Variants in FOXN3 observed in about 807,000 individuals in gnomAD.
FOXN3 encodes the protein forkhead box N3, also known as forkhead box protein N3.
In FOXN3, 7 loss-of-function variants were observed where a neutral mutation model predicts 38.4. The ratio of observed to expected loss-of-function variants is 0.18; its 90% CI spans 0.10 to 0.34. The LOEUF (loss-of-function observed/expected upper bound fraction) is 0.34, where lower values mean the gene tolerates loss of function less well. FOXN3 is among the 10% of genes least tolerant of loss of function. FOXN3 has a pLI of 1.00. For missense variants in FOXN3, 456 were observed against 613.4 expected (o/e 0.74, Z 2.71); for synonymous variants, 230 against 242.2 (o/e 0.95, Z 0.47).
At chr14:89,196,990 T>C (rs139765211) in intron 4 of FOXN3, among the ~76,000 whole-genome samples, 50 of 152,318 alleles carry the variant, frequency 3.3e-4, no homozygotes, top group African/African-American at 1.1e-3. Flanking sequence ...ACACTTCCTA[T>C]AGAGAAAGCC....
At chr14:89,472,526 T>C (rs574431387) in intron 1 of FOXN3, among the ~76,000 whole-genome samples, 59 of 151,994 alleles carry the variant, frequency 3.9e-4, no homozygotes, top group South Asian at 3.5e-3. Context: ...CGAGACCACC[T>C]TGGCTAACAT....
chr14:89,528,002 C>T (rs1302943809), intron 1 of FOXN3, among the ~76,000 whole-genome samples: 3 of 152,110 alleles, frequency 2.0e-5, no homozygotes, highest in Non-Finnish European at 4.4e-5. Flanking sequence ...ATTTAAAAAG[C>T]CTGGATCATA....
At chr14:89,240,403 C>T (rs1885104867) in intron 4 of FOXN3, among the ~76,000 whole-genome samples, 1 of 152,110 alleles carries the variant, frequency 6.6e-6, no homozygotes, top group East Asian at 1.9e-4. Flanking sequence ...ATAGTGAAGA[C>T]ATGTGTGCAA....
At chr14:89,313,651 T>C (rs1596175781) in intron 3 of FOXN3, among the ~76,000 whole-genome samples, 1 of 149,376 alleles carries the variant, frequency 6.7e-6, no homozygotes, top group Non-Finnish European at 1.5e-5. Context: ...AAGTAAAGTT[T>C]GTGTGGGTAA....
chr14:89,532,362 T>C (rs992487930), intron 1 of FOXN3, among the ~76,000 whole-genome samples: 2 of 152,164 alleles, frequency 1.3e-5, no homozygotes, highest in African/African-American at 4.8e-5. Flanking sequence ...AATACCACCT[T>C]AAATACACAA....
At chr14:89,209,631 A>C (rs1165379203) in intron 4 of FOXN3, among the ~76,000 whole-genome samples, 1 of 152,224 alleles carries the variant, frequency 6.6e-6, no homozygotes, top group Non-Finnish European at 1.5e-5. Context: ...TGTTCTCTAT[A>C]TTTGTAAACA....
intron 3 of FOXN3, among the ~76,000 whole-genome samples, chr14:89,300,180 C>CTTTTTT (rs35774627): frequency 2.6e-5 from 3 of 115,790 alleles, no homozygotes; most frequent in Non-Finnish European, 3.5e-5. Flanking sequence ...AAGAAATGTA[C>CTTTTTT]TTTTTTTTTT....
intron 2 of FOXN3, among the ~76,000 whole-genome samples, chr14:89,366,009 T>G (rs986468581): frequency 6.6e-6 from 1 of 152,152 alleles, no homozygotes. Context: ...CCCAGCACTT[T>G]GGGAGGCCGA....
In FOXN3 at chr14:89,363,947, A is replaced by AATATATATATAT. The variant is rs67802765; in HGVS notation, c.544-13151_544-13140dup. Among the ~76,000 whole-genome samples the AATATATATATAT allele has an allele frequency of 5.1e-4, 57 of 111,340 alleles. 1 individual carries two copies. Among genetic ancestry groups the AATATATATATAT allele is most frequent in the African/African-American group, 2.3e-3 (45 of 19,376 alleles). The allele number at this position is 111,340 out of a possible 152,430, so 73.0% of individuals were successfully genotyped here. On this transcript the variant is annotated intron_variant, in intron 2 of 5. Transcript: ENST00000557258. ...TAACTGAGCAAGACCCTGTCTGTAA[A>AATATATATATAT]ATATATATATATATATATATATATA... is the stretch of plus-strand genomic sequence containing the variant.
chr14:89,402,808 TTC>T (rs1188083745), intron 2 of FOXN3, among the ~76,000 whole-genome samples: 1 of 152,240 alleles, frequency 6.6e-6, no homozygotes, highest in African/African-American at 2.4e-5. Context: ...TCCTCAAGAC[TTC>T]TTTCATGTAA....
At chr14:89,332,763 G>A (rs1452632120) in intron 3 of FOXN3, among the ~76,000 whole-genome samples, 1 of 152,020 alleles carries the variant, frequency 6.6e-6, no homozygotes, top group African/African-American at 2.4e-5. Flanking sequence ...AAATGAAAAA[G>A]GCAACCTACA....
intron 1 of FOXN3, among the ~76,000 whole-genome samples, chr14:89,558,827 C>T (rs1022032013): frequency 1.3e-5 from 2 of 152,042 alleles, no homozygotes; most frequent in Non-Finnish European, 2.9e-5. Context: ...AAGGTCGGGG[C>T]GACAGCAGGG....
At chr14:89,416,842 G>C (rs966423960) in intron 1 of FOXN3, 29 bp downstream of exon 1, 1 of 151,968 alleles carries the variant, frequency 6.6e-6, no homozygotes, top group Non-Finnish European at 1.5e-5. Flanking sequence ...GCCCACGCGG[G>C]AGCCGGCAGG....
At position 89,534,927 on chromosome 14, in the gene FOXN3, C is replaced by A. The variant is rs1894652479; in HGVS notation, c.-15+84101G>T. Reference sequence around the variant, plus strand: ...AGCTCCGGGGATATATTTCTGCCCACATCTCAGAATCTGCTCTTCTAAAAC... The same window carrying A: ...AGCTCCGGGGATATATTTCTGCCCAAATCTCAGAATCTGCTCTTCTAAAAC... On this transcript the variant is annotated intron_variant, in intron 1 of 6. Coordinates refer to the FOXN3 transcript ENST00000345097. Among the ~76,000 whole-genome samples, 3 of 152,262 alleles carry A rather than the reference C, an allele frequency of 2.0e-5. No individual in the cohort carries two copies. The South Asian group carries it at 6.2e-4, about 31-fold the overall frequency.
intron 1 of FOXN3, among the ~76,000 whole-genome samples, chr14:89,452,881 G>A (rs895883887): frequency 2.0e-5 from 3 of 152,180 alleles, no homozygotes; most frequent in Non-Finnish European, 2.9e-5. Flanking sequence ...GTACTTTGGT[G>A]TAAGAGATAA....
chr14:89,355,994 A>G (rs1889205557), intron 2 of FOXN3, among the ~76,000 whole-genome samples: 3 of 151,876 alleles, frequency 2.0e-5, no homozygotes, highest in African/African-American at 7.3e-5. Flanking sequence ...CTGGCCAGGG[A>G]GGGATAGCCT....
At chr14:89,338,314 A>G (rs553632174) in intron 3 of FOXN3, among the ~76,000 whole-genome samples, 1 of 152,356 alleles carries the variant, frequency 6.6e-6, no homozygotes, top group South Asian at 2.1e-4. Flanking sequence ...AATCTATGCT[A>G]TGCATTCTAA....
intron 2 of FOXN3, among the ~76,000 whole-genome samples, chr14:89,408,326 C>G (rs578037176): frequency 4.0e-5 from 6 of 151,620 alleles, no homozygotes; most frequent in African/African-American, 1.2e-4. Context: ...GGCTGTATCT[C>G]GGCTCACTGC....
In FOXN3 at chr14:89,160,107, T is replaced by G. The variant is rs1195792333; in HGVS notation, c.*2307A>C. Reference sequence around the variant, plus strand: ...GTTAAGGTCATCTCTGTTCCCTCCCTCTCCTCACGCATCATATCCTGAGCC... The same window carrying G: ...GTTAAGGTCATCTCTGTTCCCTCCCGCTCCTCACGCATCATATCCTGAGCC... On this transcript the variant is annotated 3_prime_UTR_variant, in exon 6 of 6. Transcript: ENST00000557258. 1.3e-5 allele frequency: 2 copies of G among 152,178 alleles called. No individual in the cohort carries two copies. Among genetic ancestry groups the G allele is most frequent in the Non-Finnish European group, 2.9e-5 (2 of 68,044 alleles). The allele number at this position is 152,178 out of a possible 1,614,324, so 9.4% of individuals were successfully genotyped here. A position where few individuals can be genotyped will look rare whatever the true frequency, so the allele number is the denominator to read the frequency against.
Sources: gnomAD v4.1 joint callset for allele counts (sites outside exome capture counted in the v4.1 genomes callset) on GRCh38, gnomAD v4.1.1 for gene constraint, MANE v1.5 for transcripts, NCBI Gene and HGNC (gene_info 2026-07-23, HGNC 2026-07-21) for gene names.